Variants in PLCB1 observed in about 807,000 individuals in gnomAD.
The protein encoded by PLCB1 is phospholipase C beta 1, also known as 1-phosphatidylinositol 4,5-bisphosphate phosphodiesterase beta-1.
Under a neutral mutation model 161.8 loss-of-function variants are expected in PLCB1, and 46 were observed. That is an observed-to-expected ratio of 0.28 (90% CI 0.22 to 0.36). The LOEUF is 0.36. PLCB1 is among the 10% of genes least tolerant of loss of function. PLCB1 has a pLI of 1.00. For synonymous variants in PLCB1, 517 were observed against 503.7 expected, an observed-to-expected ratio of 1.03 and a Z score of -0.35; for missense variants, 1,016 against 1,472.5, an observed-to-expected ratio of 0.69 and a Z score of 5.07.
chr20:8,253,593 A>G (rs1454671928), intron 2 of PLCB1, among the ~76,000 whole-genome samples: 1 of 152,000 alleles, frequency 6.6e-6, no homozygotes, highest in Non-Finnish European at 1.5e-5. Flanking sequence ...GTTGATATCT[A>G]GCAGTGTCTC....
chr20:8,841,227 A>G (rs1418990049), intron 31 of PLCB1, among the ~76,000 whole-genome samples: 4 of 152,318 alleles, frequency 2.6e-5, no homozygotes, highest in South Asian at 4.1e-4. Flanking sequence ...ATTGCAACCT[A>G]TATAGAGAAA....
chr20:8,499,618 T>G (rs1344527266), intron 3 of PLCB1, among the ~76,000 whole-genome samples: 1 of 152,192 alleles, frequency 6.6e-6, no homozygotes, highest in Non-Finnish European at 1.5e-5. Context: ...TTGGTATATG[T>G]GCCAATATCT....
intron 2 of PLCB1, among the ~76,000 whole-genome samples, chr20:8,349,036 A>G (rs1015007029): frequency 6.6e-6 from 1 of 152,180 alleles, no homozygotes; most frequent in Admixed American, 6.5e-5. Context: ...ATATATACAC[A>G]CACACATAAA....
intron 3 of PLCB1, among the ~76,000 whole-genome samples, chr20:8,430,550 A>G (rs1377675952): frequency 1.3e-4 from 20 of 152,330 alleles, no homozygotes. Context: ...TAGTTGGGAG[A>G]TGTTAGGAGG....
intron 3 of PLCB1, among the ~76,000 whole-genome samples, chr20:8,486,549 G>GCAGT (rs1982736853): frequency 7.8e-6 from 1 of 128,690 alleles, no homozygotes; most frequent in Non-Finnish European, 1.5e-5. Flanking sequence ...ACTGCGGACT[G>GCAGT]CAGTGGCGCA....
chr20:8,504,478 T>C (rs1201422168), intron 3 of PLCB1, among the ~76,000 whole-genome samples: 1 of 152,232 alleles, frequency 6.6e-6, no homozygotes, highest in Non-Finnish European at 1.5e-5. Flanking sequence ...GAATTCCTTT[T>C]AATTTTTCAT....
At chr20:8,644,668 T>C (rs1237091937) in intron 4 of PLCB1, among the ~76,000 whole-genome samples, 9 of 149,336 alleles carry the variant, frequency 6.0e-5, no homozygotes, top group East Asian at 4.0e-4. Context: ...GTGAGGAGCG[T>C]CTCCGCCCGG....
intron 2 of PLCB1, among the ~76,000 whole-genome samples, chr20:8,197,783 A>G (rs1471235787): frequency 6.6e-6 from 1 of 152,062 alleles, no homozygotes; most frequent in Non-Finnish European, 1.5e-5. Flanking sequence ...TAGGGTTTTT[A>G]TGGTTTTAGG....
intron 12 of PLCB1, among the ~76,000 whole-genome samples, chr20:8,713,253 A>G (rs1381792734): frequency 6.6e-6 from 1 of 152,094 alleles, no homozygotes; most frequent in Non-Finnish European, 1.5e-5. Context: ...CAGTGGTGCA[A>G]TCTCGGCTTA....
chr20:8,648,361 A>G (rs1989222769), intron 6 of PLCB1, among the ~76,000 whole-genome samples: 1 of 152,128 alleles, frequency 6.6e-6, no homozygotes, highest in Non-Finnish European at 1.5e-5. Flanking sequence ...GGGAATGTAA[A>G]TGATGAAACA....
intron 31 of PLCB1, among the ~76,000 whole-genome samples, chr20:8,867,551 AT>A (rs923297645): frequency 2.6e-5 from 4 of 151,946 alleles, no homozygotes; most frequent in African/African-American, 7.2e-5. Flanking sequence ...GCTTTTATTG[AT>A]TTTTTTTCAG....
chr20:8,228,664 C>T (rs1476823168), intron 2 of PLCB1, among the ~76,000 whole-genome samples: 3 of 145,260 alleles, frequency 2.1e-5, no homozygotes, highest in Non-Finnish European at 4.5e-5. Context: ...TGTGCACCAC[C>T]ACGCCCCACT....
intron 3 of PLCB1, among the ~76,000 whole-genome samples, chr20:8,502,653 A>G (rs1022660956): frequency 3.3e-5 from 5 of 152,218 alleles, no homozygotes; most frequent in South Asian, 2.1e-4. Flanking sequence ...TTACTCCTCC[A>G]TTTTTGGTTC....
intron 2 of PLCB1, among the ~76,000 whole-genome samples, chr20:8,253,879 T>C (rs899593127): frequency 1.3e-5 from 2 of 151,994 alleles, no homozygotes; most frequent in African/African-American, 4.8e-5. Context: ...GTATTTGGTT[T>C]TCTGTTCCTG....
chr20:8,162,682 A>C (rs1240410740), intron 2 of PLCB1, among the ~76,000 whole-genome samples: 2 of 152,230 alleles, frequency 1.3e-5, no homozygotes, highest in Non-Finnish European at 2.9e-5. Flanking sequence ...ACTTAGGAAC[A>C]GTGGTCTGAA....
chr20:8,467,083 G>A (rs978632372), intron 3 of PLCB1, among the ~76,000 whole-genome samples: 1 of 152,086 alleles, frequency 6.6e-6, no homozygotes, highest in African/African-American at 2.4e-5. Context: ...GGGATTATAG[G>A]CATGTGCCAC....
intron 31 of PLCB1, among the ~76,000 whole-genome samples, chr20:8,807,152 T>A (rs1382529837): frequency 6.6e-6 from 1 of 152,116 alleles, no homozygotes; most frequent in East Asian, 1.9e-4. Context: ...AAGGATGCGA[T>A]TAATTAAAGT....
intron 3 of PLCB1, among the ~76,000 whole-genome samples, chr20:8,375,233 C>T (rs1341240223): frequency 3.9e-5 from 6 of 152,172 alleles, no homozygotes; most frequent in African/African-American, 1.4e-4. Context: ...TCCCTCCTTC[C>T]GGCCCTCCCA....
chr20:8,143,827 T>A (rs947323938), intron 1 of PLCB1, among the ~76,000 whole-genome samples: 2 of 152,204 alleles, frequency 1.3e-5, no homozygotes, highest in Admixed American at 6.5e-5. Context: ...ATTTTAGACG[T>A]ATAAAGTCAA....
Sources: gnomAD v4.1 joint callset for allele counts (sites outside exome capture counted in the v4.1 genomes callset) on GRCh38, gnomAD v4.1.1 for gene constraint, MANE v1.5 for transcripts, NCBI Gene and HGNC (gene_info 2026-07-23, HGNC 2026-07-21) for gene names.